LRP2BP: variants seen among roughly 807,000 people sequenced by gnomAD.
LRP2BP encodes LRP2 binding protein, also known as LRP2-binding protein.
A neutral mutation model predicts 45.2 loss-of-function variants in LRP2BP; 38 were observed. That is an observed-to-expected ratio of 0.84 (90% CI 0.65 to 1.10). The LOEUF (loss-of-function observed/expected upper bound fraction) is 1.10. Among genes scored for constraint, LRP2BP ranks in the 50% least tolerant of loss-of-function variants. The pLI is 0.00. For synonymous variants in LRP2BP, 153 were observed against 153.9 expected, an observed-to-expected ratio of 0.99 and a Z score of 0.04; for missense variants, 385 against 418.9, an observed-to-expected ratio of 0.92 and a Z score of 0.71.
intron 1 of LRP2BP, among the ~76,000 whole-genome samples, chr4:185,383,888 TGGAA>T (rs1265094936): frequency 1.3e-5 from 2 of 152,206 alleles, no homozygotes; most frequent in Admixed American, 6.5e-5. Context: ...TTTTTCCTCA[TGGAA>T]GGGAGAGAAC....
chr4:185,371,688 A>G (rs2095416679), intron 7 of LRP2BP, among the ~76,000 whole-genome samples: 1 of 152,170 alleles, frequency 6.6e-6, no homozygotes, highest in African/African-American at 2.4e-5. Flanking sequence ...AAAATAAGGG[A>G]AAGCGCCGAA....
rs1561063237 is a variant in LRP2BP at position 185,364,627 on chromosome 4, C to G, written c.*2553G>C. On this transcript the variant is annotated 3_prime_UTR_variant, in exon 9 of 9. Coordinates refer to ENST00000505916, the MANE Select transcript of LRP2BP (RefSeq NM_001377440.1). ...AGATAAATGATTAAAAATTAGTAAACCAAATGTTATCCTTAAGATTTTTTT... is the reference window on the plus strand; with the variant it reads ...AGATAAATGATTAAAAATTAGTAAAGCAAATGTTATCCTTAAGATTTTTTT... The G allele has an allele frequency of 6.6e-6, 1 of 151,964 alleles. No homozygotes were observed. Among genetic ancestry groups the G allele is most frequent in the East Asian group, 1.9e-4 (1 of 5,194 alleles). The allele number at this position is 151,964 out of a possible 1,614,324, so 9.4% of individuals were successfully genotyped here. A position where few individuals can be genotyped will look rare whatever the true frequency, so the allele number is the denominator to read the frequency against.
At chr4:185,376,659 A>G (rs890126712) in intron 3 of LRP2BP, among the ~76,000 whole-genome samples, 5 of 150,838 alleles carry the variant, frequency 3.3e-5, no homozygotes, top group Admixed American at 1.3e-4. Context: ...TTTAATCTAT[A>G]GTGTGAAATG....
chr4:185,365,825 A>T lies in LRP2BP; in HGVS notation c.*1355T>A, dbSNP rs2095386294. ...GTGGTATTAAGAGATTTGAGACAGA[A>T]ATACATGACCATTTGAGGATATCTC... On this transcript the variant is annotated 3_prime_UTR_variant, in exon 9 of 9. Transcript: ENST00000505916. 1.3e-5 allele frequency: 2 copies of T among 152,166 alleles called. No homozygotes were observed. Among genetic ancestry groups the T allele is most frequent in the South Asian group, 4.1e-4 (2 of 4,832 alleles). 9.4% of individuals were successfully genotyped at this position (152,166 alleles called of 1,614,324 possible).
intron 1 of LRP2BP, among the ~76,000 whole-genome samples, chr4:185,386,427 T>G (rs558321702): frequency 1.3e-5 from 2 of 152,220 alleles, no homozygotes; most frequent in Admixed American, 1.3e-4. Context: ...ATGACCTATA[T>G]GCAAAAAACT....
intron 6 of LRP2BP, 66 bp downstream of exon 6, chr4:185,374,068 CA>C (rs199694987): frequency 6.1e-6 from 8 of 1,312,654 alleles, no homozygotes; most frequent in South Asian, 3.8e-5. Flanking sequence ...ACCATTTTCT[CA>C]AAAAAAGCAG....
chr4:185,374,179 G>T lies in LRP2BP; in HGVS notation c.535C>A (p.Leu179Ile). 2.5e-6 allele frequency: 4 copies of T among 1,614,116 alleles called. No homozygotes were observed. The highest frequency in any genetic ancestry group is 2.5e-6 in the Non-Finnish European group (3 of 1,180,024). The change falls in exon 6 of 9, where the codon CTC becomes ATC. Residue 179 changes from leucine (L) to isoleucine (I), a missense_variant. By Grantham distance (5) the Leu-to-Ile change is conservative. Transcript: ENST00000505916. ...TCCTTGGTTGAGTAATACAGCCCGA[G>T]CATACTTTGAGCCTTCACACTAGCT... is the stretch of plus-strand genomic sequence containing the variant. Reference protein sequence around the residue: ...PKASVKAQSMLGLYYSTKEPK... With the variant: ...PKASVKAQSMIGLYYSTKEPK...
At chr4:185,396,774 C>G, upstream of LRP2BP, 2 of 800,518 alleles carry the variant, frequency 2.5e-6, no homozygotes, top group East Asian at 4.9e-5. Context: ...GGAGCTGGGG[C>G]GCGGCTGCCA....
intron 1 of LRP2BP, among the ~76,000 whole-genome samples, chr4:185,391,520 A>G (rs2095488340): frequency 6.6e-6 from 1 of 152,194 alleles, no homozygotes; most frequent in East Asian, 1.9e-4. Flanking sequence ...TTATTTATTC[A>G]TTCAGTTGTT....
intron 1 of LRP2BP, chr4:185,378,944 T>C (rs1448290706): frequency 1.0e-6 from 1 of 985,352 alleles, no homozygotes; most frequent in Non-Finnish European, 1.2e-6. Context: ...AGAGAAGAAA[T>C]AGAGAGACCC....
At position 185,395,904 on chromosome 4, in the gene LRP2BP, A is replaced by G. The variant is rs1346493163; in HGVS notation, c.-1147T>C. 5.1e-6 allele frequency: 5 copies of G among 985,480 alleles called. No individual in the cohort carries two copies. The South Asian group carries it at 1.9e-4, about 37-fold the overall frequency. 61.0% of individuals were successfully genotyped at this position (985,480 alleles called of 1,614,324 possible). On this transcript the variant is annotated 5_prime_UTR_variant, in exon 1 of 9. Transcript: ENST00000505916. Reference sequence around the variant, plus strand: ...TTGGTTTCTAAGCAGATCCTTCTGGAAAGACGCTTAGGGAGAGTCTAGGGA... The same window carrying G: ...TTGGTTTCTAAGCAGATCCTTCTGGGAAGACGCTTAGGGAGAGTCTAGGGA...
chr4:185,375,577 G>C (rs1463381669), intron 4 of LRP2BP, 36 bp downstream of exon 4: 2 of 1,106,484 alleles, frequency 1.8e-6, no homozygotes. Flanking sequence ...CACTGACAAT[G>C]AAATCTTAAC....
upstream of LRP2BP, chr4:185,397,220 C>CGCCT (rs764272251): frequency 1.2e-6 from 2 of 1,614,108 alleles, no homozygotes; most frequent in Non-Finnish European, 1.7e-6. Flanking sequence ...TGCAAGCAGT[C>CGCCT]GCCTGTCCAC....
intron 7 of LRP2BP, 76 bp from the exon 8 acceptor site, chr4:185,370,890 C>G: frequency 2.7e-6 from 4 of 1,477,586 alleles, no homozygotes; most frequent in Admixed American, 1.7e-5. Context: ...CGCCTAGAGA[C>G]TGTCCTTGTG....
chr4:185,369,125 T>C (rs903340414), intron 8 of LRP2BP, among the ~76,000 whole-genome samples: 2 of 151,354 alleles, frequency 1.3e-5, no homozygotes, highest in African/African-American at 4.9e-5. Flanking sequence ...GATGACTATA[T>C]AGTATATTTC....
At chr4:185,377,536 A>C (rs1179714868) in intron 2 of LRP2BP, 1 of 166,526 alleles carries the variant, frequency 6.0e-6, no homozygotes, top group African/African-American at 2.4e-5. Context: ...CAACAACAAC[A>C]ACAAACAATA....
intron 8 of LRP2BP, among the ~76,000 whole-genome samples, chr4:185,369,324 TCTC>T (rs916452286): frequency 9.3e-5 from 14 of 150,574 alleles, no homozygotes; most frequent in African/African-American, 3.4e-4. Flanking sequence ...TTGAAGCAAT[TCTC>T]CTGCCTCAGC....
intron 7 of LRP2BP, 51 bp downstream of exon 7, chr4:185,372,805 C>G (rs2095420287): frequency 2.1e-6 from 3 of 1,421,764 alleles, no homozygotes; most frequent in Admixed American, 1.9e-5. Flanking sequence ...CATAAATTAC[C>G]TAGTGTGTGA....
chr4:185,397,044 G>A (rs923345002), upstream of LRP2BP: 50 of 1,609,058 alleles, frequency 3.1e-5, no homozygotes, highest in Admixed American at 8.4e-5. Flanking sequence ...ACCACTGGGC[G>A]CTGCCTGGTC....
Sources: allele counts gnomAD v4.1 joint callset (sites outside exome capture counted in the v4.1 genomes callset), GRCh38; gene constraint gnomAD v4.1.1; transcripts MANE v1.5; gene names NCBI Gene and HGNC (gene_info 2026-07-23, HGNC 2026-07-21).